Variants in ITPKC observed in about 807,000 individuals in gnomAD.
ITPKC encodes the protein inositol-trisphosphate 3-kinase C.
A neutral mutation model predicts 67.1 loss-of-function variants in ITPKC; 33 were observed. That is an observed-to-expected ratio of 0.49 (90% CI 0.37 to 0.66). ITPKC has a LOEUF of 0.66. Ranked by LOEUF, ITPKC falls within the 30% of genes least tolerant of loss-of-function variation. The pLI, the probability that ITPKC is intolerant of heterozygous loss-of-function variation, is 0.00. For synonymous variants in ITPKC, 341 were observed against 359.8 expected (o/e 0.95, Z 0.59); for missense variants, 820 against 892.1 (o/e 0.92, Z 1.03).
Position 40,738,686 on chromosome 19 carries a change from T to G in ITPKC, c.1849-671T>G, listed in dbSNP as rs1023581938. Among the ~76,000 whole-genome samples, 4 of 152,236 alleles carry G rather than the reference T, an allele frequency of 2.6e-5. No homozygotes were observed. The East Asian group carries it at 7.7e-4, about 29-fold the overall frequency. On this transcript the variant is annotated intron_variant, in intron 6 of 6. Transcript: ENST00000263370. The stretch of plus-strand genomic sequence containing the variant: ...TTGATTATGCCTCACACTGAACATT[T>G]GCTGTGTATTTGCTATGTACCAAGC...
Position 40,725,416 on chromosome 19 carries a change from G to A in ITPKC, c.1232G>A (p.Trp411Ter), listed in dbSNP as rs772360087. ...FVVSFRKHYP[W>*]VQLSGHAGNF... Reference sequence around the variant, plus strand: ...GTCTCCTTCCGAAAACACTACCCTTGGGTCCAGCTTTCTGGACATGCTGGT... The same window carrying A: ...GTCTCCTTCCGAAAACACTACCCTTAGGTCCAGCTTTCTGGACATGCTGGT... The change falls in exon 2 of 7, where the codon TGG becomes TAG. Residue 411 changes from tryptophan (W) to a stop codon, truncating the protein, a stop_gained. Coordinates refer to ENST00000263370, the MANE Select transcript of ITPKC (RefSeq NM_025194.3). LOFTEE classifies it high-confidence loss of function. 1 of 1,611,992 alleles carries A rather than the reference G, an allele frequency of 6.2e-7. No homozygotes were observed. Among genetic ancestry groups the A allele is most frequent in the Non-Finnish European group, 8.5e-7 (1 of 1,178,116 alleles).
chr19:40,735,253 G>A (rs1385651107), intron 4 of ITPKC, among the ~76,000 whole-genome samples: 3 of 152,002 alleles, frequency 2.0e-5, no homozygotes, highest in Non-Finnish European at 4.4e-5. Context: ...GTACCTTCAG[G>A]CACAGTGAAG....
At chr19:40,737,346 G>A (rs2082299288) in intron 5 of ITPKC, among the ~76,000 whole-genome samples, 1 of 152,238 alleles carries the variant, frequency 6.6e-6, no homozygotes, top group South Asian at 2.1e-4. Flanking sequence ...AGTGGAGGCA[G>A]GGGGCCAAGA....
intron 2 of ITPKC, among the ~76,000 whole-genome samples, chr19:40,728,247 T>C (rs1290428403): frequency 6.6e-6 from 1 of 150,634 alleles, no homozygotes; most frequent in East Asian, 1.9e-4. Context: ...CTGGGAGTGG[T>C]GGGGGTGCAC....
At chr19:40,734,473 T>G (rs1302546027) in intron 4 of ITPKC, among the ~76,000 whole-genome samples, 1 of 152,084 alleles carries the variant, frequency 6.6e-6, no homozygotes, top group Admixed American at 6.6e-5. Context: ...CCACCAGCAA[T>G]GTATGAGAAT....
intron 1 of ITPKC, among the ~76,000 whole-genome samples, chr19:40,724,283 A>G (rs971134720): frequency 6.6e-6 from 1 of 152,172 alleles, no homozygotes; most frequent in Non-Finnish European, 1.5e-5. Flanking sequence ...CTGACTACTC[A>G]GGAGGCTGGG....
chr19:40,728,536 C>A (rs2082256383), intron 2 of ITPKC, among the ~76,000 whole-genome samples: 2 of 152,166 alleles, frequency 1.3e-5, no homozygotes, highest in Admixed American at 6.5e-5. Context: ...CCTTGGGATT[C>A]CAGGCAGCAG....
intron 1 of ITPKC, among the ~76,000 whole-genome samples, chr19:40,723,245 G>C (rs372630978): frequency 2.8e-4 from 42 of 152,234 alleles, no homozygotes; most frequent in African/African-American, 9.4e-4. Flanking sequence ...ACAGGCATGA[G>C]CCACTGCGCC....
At chr19:40,738,879 A>C (rs1008704038) in intron 6 of ITPKC, among the ~76,000 whole-genome samples, 11 of 152,134 alleles carry the variant, frequency 7.2e-5, no homozygotes, top group African/African-American at 2.7e-4. Context: ...TGTTTTCTCG[A>C]TCTGATAACC....
intron 2 of ITPKC, among the ~76,000 whole-genome samples, chr19:40,727,162 G>A (rs1201211171): frequency 1.3e-5 from 2 of 151,756 alleles, no homozygotes; most frequent in Non-Finnish European, 2.9e-5. Context: ...GTGAAACCCC[G>A]TCTCTACTAA....
intron 4 of ITPKC, among the ~76,000 whole-genome samples, chr19:40,735,486 C>T (rs1276821876): frequency 3.3e-5 from 5 of 151,866 alleles, no homozygotes; most frequent in East Asian, 3.9e-4. Context: ...GACACAGGTG[C>T]GTGCCACCAC....
At chr19:40,738,862 T>C (rs1281158327) in intron 6 of ITPKC, among the ~76,000 whole-genome samples, 2 of 152,136 alleles carry the variant, frequency 1.3e-5, no homozygotes, top group Non-Finnish European at 2.9e-5. Flanking sequence ...TACTGAACTA[T>C]AGACTGTGTT....
At chr19:40,723,161 C>T (rs561849208) in intron 1 of ITPKC, among the ~76,000 whole-genome samples, 85 of 152,248 alleles carry the variant, frequency 5.6e-4, no homozygotes, top group African/African-American at 2.0e-3. Flanking sequence ...CGGGGTTTCA[C>T]TGTGTTAGCC....
rs184619284 is a variant in ITPKC at position 40,737,182 on chromosome 19, C to T, written c.1776+95C>T. 4 of 863,414 alleles carry T rather than the reference C, an allele frequency of 4.6e-6. No individual in the cohort carries two copies. The Admixed American group carries it at 8.3e-5, about 18-fold the overall frequency. 53.5% of individuals were successfully genotyped at this position (863,414 alleles called of 1,614,324 possible). Reference sequence around the variant, plus strand: ...CAGTGGTCTTCTGCTTTGGGTGGGGCTGGACTGATACTGGCTGGCTTTGCT... The same window carrying T: ...CAGTGGTCTTCTGCTTTGGGTGGGGTTGGACTGATACTGGCTGGCTTTGCT... On this transcript the variant is annotated intron_variant, in intron 5 of 6. Coordinates refer to ENST00000263370, the MANE Select transcript of ITPKC (RefSeq NM_025194.3).
At chr19:40,731,205 C>CA (rs1422395287) in intron 3 of ITPKC, among the ~76,000 whole-genome samples, 2 of 152,152 alleles carry the variant, frequency 1.3e-5, no homozygotes, top group Non-Finnish European at 1.5e-5. Flanking sequence ...GGGGCCCCAC[C>CA]GTAGGAGGCC....
intron 1 of ITPKC, among the ~76,000 whole-genome samples, chr19:40,720,858 C>G (rs924426909): frequency 6.6e-6 from 1 of 152,094 alleles, no homozygotes. Context: ...CCTCTCTGAC[C>G]GTAAAGGCTC....
chr19:40,739,823 G>T lies in ITPKC; in HGVS notation c.*263G>T. The T allele has an allele frequency of 1.9e-6, 1 of 530,116 alleles. No homozygotes were observed. 32.8% of individuals were successfully genotyped at this position (530,116 alleles called of 1,614,324 possible). A position where few individuals can be genotyped will look rare whatever the true frequency, so the allele number is the denominator to read the frequency against. ...AGTGAGTCAGAAAAACCAGAACGGGGTCCCCGGATCTGCCGGGAAGGCTTC... is the reference window on the plus strand; with the variant it reads ...AGTGAGTCAGAAAAACCAGAACGGGTTCCCCGGATCTGCCGGGAAGGCTTC... On this transcript the variant is annotated 3_prime_UTR_variant, in exon 7 of 7. Transcript: ENST00000263370.
chr19:40,728,976 C>T (rs2082258192), intron 2 of ITPKC, among the ~76,000 whole-genome samples: 2 of 151,786 alleles, frequency 1.3e-5, no homozygotes, highest in African/African-American at 2.4e-5. Context: ...TGCAGTGAGC[C>T]GAGATCGCAC....
chr19:40,728,773 A>G (rs1322715374), intron 2 of ITPKC, among the ~76,000 whole-genome samples: 3 of 152,148 alleles, frequency 2.0e-5, no homozygotes, highest in Admixed American at 6.6e-5. Flanking sequence ...CACGCTTGTA[A>G]TCCCAGCACT....
Sources: allele counts gnomAD v4.1 joint callset (sites outside exome capture counted in the v4.1 genomes callset), GRCh38; gene constraint gnomAD v4.1.1; transcripts MANE v1.5; gene names NCBI Gene and HGNC (gene_info 2026-07-23, HGNC 2026-07-21).